MTMR2: variants seen among roughly 807,000 people sequenced by gnomAD.
MTMR2 encodes phosphatidylinositol-3,5-bisphosphate 3-phosphatase MTMR2.
In MTMR2, 55 loss-of-function variants were observed where a neutral mutation model predicts 86.9. The ratio of observed to expected loss-of-function variants is 0.63; its 90% confidence interval spans 0.51 to 0.79. The LOEUF is 0.79. MTMR2 is among the 30% of genes least tolerant of loss of function. The pLI is 0.00. For missense variants in MTMR2, 659 were observed against 772.3 expected (o/e 0.85, Z 1.74); for synonymous variants, 241 against 266.8 (o/e 0.90, Z 0.94).
At chr11:95,840,224 T>A (rs1053541824) in intron 12 of MTMR2, 1 of 152,126 alleles carries the variant, frequency 6.6e-6, no homozygotes, top group Non-Finnish European at 1.5e-5. Context: ...CTTCAAGGTA[T>A]TCACCTTGGA....
chr11:95,899,700 G>A (rs1187142653), intron 1 of MTMR2, among the ~76,000 whole-genome samples: 2 of 151,874 alleles, frequency 1.3e-5, no homozygotes, highest in Non-Finnish European at 2.9e-5. Flanking sequence ...AAAAGCTGAG[G>A]CAAGCTTGAA....
At chr11:95,881,372 G>A (rs915028710) in intron 2 of MTMR2, among the ~76,000 whole-genome samples, 2 of 151,960 alleles carry the variant, frequency 1.3e-5, no homozygotes, top group Non-Finnish European at 2.9e-5. Flanking sequence ...TTTAGAGTCA[G>A]CTAAAATTTT....
intron 2 of MTMR2, among the ~76,000 whole-genome samples, chr11:95,874,397 T>A (rs941873297): frequency 8.5e-5 from 13 of 152,306 alleles, no homozygotes; most frequent in Admixed American, 5.9e-4. Context: ...GTCTGTTTTA[T>A]CAGAGACTAG....
chr11:95,876,330 T>C (rs939159683), intron 2 of MTMR2, among the ~76,000 whole-genome samples: 5 of 152,228 alleles, frequency 3.3e-5, no homozygotes, highest in Non-Finnish European at 5.9e-5. Context: ...ATTAGGTTTT[T>C]CTGCCTTCAC....
intron 1 of MTMR2, among the ~76,000 whole-genome samples, chr11:95,894,669 A>G (rs568857461): frequency 3.3e-4 from 51 of 152,292 alleles, no homozygotes; most frequent in Non-Finnish European, 6.5e-4. Flanking sequence ...AAGTGAAACT[A>G]TCATAGAAGA....
chr11:95,891,869 C>T (rs1865727736), intron 1 of MTMR2, among the ~76,000 whole-genome samples: 1 of 151,620 alleles, frequency 6.6e-6, no homozygotes, highest in Non-Finnish European at 1.5e-5. Context: ...AGAGAGTGCA[C>T]AGGATAGAGG....
Position 95,845,059 on chromosome 11 carries a change from A to G in MTMR2, c.1280T>C (p.Leu427Pro). The change falls in exon 11 of 15, where the codon CTC becomes CCC. Residue 427 changes from leucine (L) to proline (P), a missense_variant. By Grantham distance (98) the Leu-to-Pro change is moderately conservative. Coordinates refer to ENST00000346299, the MANE Select transcript of MTMR2 (RefSeq NM_016156.6). ...CAACATGAGCATGGCAAGGGAAGTGAGCTGAGCTGTGCGATCCCAACCATC... is the reference window on the plus strand; with the variant it reads ...CAACATGAGCATGGCAAGGGAAGTGGGCTGAGCTGTGCGATCCCAACCATC... Reference protein sequence around the residue: ...CSDGWDRTAQLTSLAMLMLDG... With the variant: ...CSDGWDRTAQPTSLAMLMLDG... 2 of 1,613,958 alleles carry G rather than the reference A, an allele frequency of 1.2e-6. No homozygotes were observed. Among genetic ancestry groups the G allele is most frequent in the Non-Finnish European group, 1.7e-6 (2 of 1,179,880 alleles).
chr11:95,851,988 T>G (rs1255248374), intron 7 of MTMR2, among the ~76,000 whole-genome samples: 1 of 152,200 alleles, frequency 6.6e-6, no homozygotes, highest in Non-Finnish European at 1.5e-5. Flanking sequence ...AACTGAAATT[T>G]TCCATCCTTC....
At chr11:95,907,810 A>G (rs1229962732) in intron 1 of MTMR2, 11 of 385,528 alleles carry the variant, frequency 2.9e-5, no homozygotes, top group Non-Finnish European at 4.5e-5. Context: ...ATAAAATTCA[A>G]TAACGCTTCA....
intron 3 of MTMR2, 187 bp downstream of exon 3, chr11:95,865,414 A>C: frequency 1.6e-6 from 1 of 613,558 alleles, no homozygotes; most frequent in East Asian, 2.7e-5. Flanking sequence ...TTCAAACACA[A>C]ACACTAGCAG....
rs1863201368 is a variant in MTMR2 at position 95,835,104 on chromosome 11, T to C, written c.*186A>G. The C allele has an allele frequency of 4.9e-6, 3 of 614,704 alleles. No homozygotes were observed. Among genetic ancestry groups the C allele is most frequent in the Non-Finnish European group, 2.9e-6 (1 of 345,170 alleles). 38.1% of individuals were successfully genotyped at this position (614,704 alleles called of 1,614,324 possible). A position where few individuals can be genotyped will look rare whatever the true frequency, so the allele number is the denominator to read the frequency against. ...AGTATCATAATCATGTAATTACATA[T>C]GGAGTTACTTCACTTAAGCCACCTG... On this transcript the variant is annotated 3_prime_UTR_variant, in exon 15 of 15. Coordinates refer to ENST00000346299, the MANE Select transcript of MTMR2 (RefSeq NM_016156.6).
intron 12 of MTMR2, among the ~76,000 whole-genome samples, chr11:95,838,672 AAAAT>A (rs1182566430): frequency 6.6e-6 from 1 of 152,012 alleles, no homozygotes; most frequent in Non-Finnish European, 1.5e-5. Context: ...AGATGGTGCA[AAAAT>A]AATTGCGGCT....
chr11:95,917,762 G>C (rs1224248269), intron 1 of MTMR2, among the ~76,000 whole-genome samples: 1 of 152,158 alleles, frequency 6.6e-6, no homozygotes, highest in Non-Finnish European at 1.5e-5. Flanking sequence ...CATAAAGTTT[G>C]TTACCCTCAT....
rs543398311 is a variant in MTMR2 at position 95,895,590 on chromosome 11, A to T, written c.81-7329T>A. ...ACTGTCTATAATAAAATTTTTTTAAAAACAGACAATAGCAGGTGTTGGCAA... is the reference window on the plus strand; with the variant it reads ...ACTGTCTATAATAAAATTTTTTTAATAACAGACAATAGCAGGTGTTGGCAA... On this transcript the variant is annotated intron_variant, in intron 1 of 14. Coordinates refer to ENST00000346299, the MANE Select transcript of MTMR2 (RefSeq NM_016156.6). Among the ~76,000 whole-genome samples, 154 of 152,256 alleles carry T rather than the reference A, an allele frequency of 1.0e-3. 1 individual carries two copies. Among genetic ancestry groups the T allele is most frequent in the African/African-American group, 3.6e-3 (148 of 41,562 alleles).
chr11:95,852,826 T>A (rs1343676222), intron 7 of MTMR2, among the ~76,000 whole-genome samples: 1 of 152,028 alleles, frequency 6.6e-6, no homozygotes. Flanking sequence ...TCACTAGAAG[T>A]CAGGAGTTCA....
chr11:95,900,402 T>C (rs373423618), intron 1 of MTMR2, among the ~76,000 whole-genome samples: 11 of 152,178 alleles, frequency 7.2e-5, no homozygotes, highest in Admixed American at 2.0e-4. Flanking sequence ...CACTACCTAA[T>C]ACTACAGAGC....
At chr11:95,865,823 G>T in intron 2 of MTMR2, 147 bp from the exon 3 acceptor site, 1 of 697,584 alleles carries the variant, frequency 1.4e-6, no homozygotes, top group South Asian at 1.7e-5. Flanking sequence ...CTGTAGTGTT[G>T]GCATGTATAA....
rs139369561 is a variant in MTMR2 at position 95,844,953 on chromosome 11, T to C, written c.1386A>G (p.Leu462=). 7.2e-5 allele frequency: 116 copies of C among 1,609,720 alleles called. No homozygotes were observed. The highest frequency in any genetic ancestry group is 8.8e-5 in the Non-Finnish European group (103 of 1,176,172). The change falls in exon 11 of 15, where the codon CTA becomes CTG. Residue 462 remains leucine, a splice_region_variant and synonymous_variant. Coordinates refer to ENST00000346299, the MANE Select transcript of MTMR2 (RefSeq NM_016156.6). ...EWLSFGHRFQ[L]RVGHGDKNHA... is the part of the protein sequence containing the mutation. ...TCCAAAGTCAAGGTTCCTTACTTAC[T>C]AGTTGAAATCGATGTCCAAAACTTA...
At chr11:95,856,743 C>T (rs1424309814) in intron 7 of MTMR2, among the ~76,000 whole-genome samples, 3 of 151,962 alleles carry the variant, frequency 2.0e-5, no homozygotes, top group African/African-American at 7.3e-5. Context: ...TAGACACCTG[C>T]TTTCCAAAGT....
Sources: gnomAD v4.1 joint callset for allele counts (sites outside exome capture counted in the v4.1 genomes callset) on GRCh38, gnomAD v4.1.1 for gene constraint, MANE v1.5 for transcripts, NCBI Gene and HGNC (gene_info 2026-07-23, HGNC 2026-07-21) for gene names.